PKD1L3: variants seen among roughly 807,000 people sequenced by gnomAD.
The protein encoded by PKD1L3 is polycystin-1-like protein 3.
In PKD1L3, 239 loss-of-function variants were observed where a neutral mutation model predicts 184.1. That is an observed-to-expected ratio of 1.30 (90% confidence interval 1.17 to 1.45). The LOEUF (loss-of-function observed/expected upper bound fraction) is 1.45. Among genes scored for constraint, PKD1L3 ranks in the 40% most tolerant of loss-of-function variants. The pLI is 0.00. For missense variants in PKD1L3, 2,660 were observed against 2,067.2 expected (o/e 1.29, Z -5.56); for synonymous variants, 996 against 778.8 (o/e 1.28, Z -4.64).
chr16:72,000,022 T>A lies in PKD1L3; in HGVS notation c.-44A>T. 2 of 1,396,904 alleles carry A rather than the reference T, an allele frequency of 1.4e-6. No homozygotes were observed. Among genetic ancestry groups the A allele is most frequent in the Non-Finnish European group, 1.9e-6 (2 of 1,048,048 alleles). The allele number at this position is 1,396,904 out of a possible 1,614,324, so 86.5% of individuals were successfully genotyped here. Reference sequence around the variant, plus strand: ...AGAAAAAGTGTGGGGGTTTAGCAGCTGCCTGGTCCTTTAAATATATATATT... The same window carrying A: ...AGAAAAAGTGTGGGGGTTTAGCAGCAGCCTGGTCCTTTAAATATATATATT... On this transcript the variant is annotated 5_prime_UTR_variant, in exon 1 of 30. Transcript: ENST00000620267.
chr16:71,963,431 T>A (rs2039363770), intron 15 of PKD1L3, 80 bp from the exon 16 acceptor site: 3 of 1,349,374 alleles, frequency 2.2e-6, no homozygotes, highest in Middle Eastern at 1.9e-4. Flanking sequence ...CTCAGACCAT[T>A]AGTAAACTGT....
At chr16:71,946,731 A>G (rs2038616212) in intron 22 of PKD1L3, among the ~76,000 whole-genome samples, 1 of 137,802 alleles carries the variant, frequency 7.3e-6, no homozygotes, top group African/African-American at 2.9e-5. Flanking sequence ...CAGGCAAACA[A>G]TTCAGTTTAA....
At chr16:71,930,309 G>T (rs537896615) in intron 28 of PKD1L3, 126 bp from the exon 29 acceptor site, 2 of 937,562 alleles carry the variant, frequency 2.1e-6, no homozygotes, top group Admixed American at 3.4e-5. Flanking sequence ...CTTAGGGAGA[G>T]AGTCAAAAGA....
At chr16:71,934,209 G>A in intron 26 of PKD1L3, 84 bp from the exon 27 acceptor site, 2 of 1,305,210 alleles carry the variant, frequency 1.5e-6, no homozygotes, top group Non-Finnish European at 2.1e-6. Flanking sequence ...TGCTGATCGT[G>A]GCAGCCCTGA....
At chr16:71,963,387 G>A in intron 15 of PKD1L3, 36 bp from the exon 16 acceptor site, 1 of 1,513,852 alleles carries the variant, frequency 6.6e-7, no homozygotes, top group South Asian at 1.3e-5. Flanking sequence ...TTAGGGAGAT[G>A]GGCTTGAATC....
chr16:71,987,945 G>A (rs2040438122), intron 4 of PKD1L3, among the ~76,000 whole-genome samples: 1 of 152,168 alleles, frequency 6.6e-6, no homozygotes. Flanking sequence ...AGGAGTGATG[G>A]TGGCAGGAGG....
chr16:71,979,880 T>C lies in PKD1L3; in HGVS notation c.1304A>G (p.Tyr435Cys), dbSNP rs2040081296. 5.2e-6 allele frequency: 8 copies of C among 1,547,218 alleles called. No individual in the cohort carries two copies. Among genetic ancestry groups the C allele is most frequent in the Admixed American group, 4.1e-5 (2 of 49,310 alleles). ...CACAGGGGCTGGGTGACCCAGAGTG[T>C]AAGAGCTCAGCGGTAAAGTTGATAT... is the stretch of plus-strand genomic sequence containing the variant. Reference protein sequence around the residue: ...QNISTLPLSSYTLGHPAPVRL... With the variant: ...QNISTLPLSSCTLGHPAPVRL... The change falls in exon 9 of 30, where the codon TAC becomes TGC. Residue 435 changes from tyrosine to cysteine, a missense_variant. Physicochemically the swap from Tyr to Cys is radical, Grantham distance 194. Transcript: ENST00000620267.
intron 13 of PKD1L3, 66 bp downstream of exon 13, chr16:71,969,809 T>C: frequency 7.1e-7 from 1 of 1,403,746 alleles, no homozygotes; most frequent in Non-Finnish European, 9.6e-7. Flanking sequence ...GAAGGTGTTT[T>C]TTCCTTCATC....
rs201400752 is a variant in PKD1L3 at position 71,963,655 on chromosome 16, A to C, written c.2466-304T>G. Among the ~76,000 whole-genome samples, 12 of 152,254 alleles carry C rather than the reference A, an allele frequency of 7.9e-5. No homozygotes were observed. The East Asian group carries it at 2.1e-3, about 27-fold the overall frequency. ...AAATTAGCTGGGCGTGGTGGTGTGC[A>C]CCTGTAGTCCTGAGCTACTTGAAAG... On this transcript the variant is annotated intron_variant, in intron 15 of 29. Transcript: ENST00000620267.
intron 16 of PKD1L3, among the ~76,000 whole-genome samples, chr16:71,958,778 C>A (rs1431892618): frequency 9.9e-5 from 6 of 60,792 alleles, no homozygotes; most frequent in Non-Finnish European, 1.4e-4. Context: ...AAGACTCTAT[C>A]TCAAAAAAAA....
intron 11 of PKD1L3, among the ~76,000 whole-genome samples, chr16:71,975,868 A>T (rs1322467398): frequency 6.6e-6 from 1 of 152,158 alleles, no homozygotes; most frequent in Non-Finnish European, 1.5e-5. Flanking sequence ...GATTGTATTA[A>T]TGTTATTTTC....
chr16:71,969,995 G>C lies in PKD1L3; in HGVS notation c.2064C>G (p.Ile688Met), dbSNP rs79670253. 1.2e-4 allele frequency: 182 copies of C among 1,551,756 alleles called. 1 individual carries two copies. In the East Asian group the frequency reaches 2.2e-3, roughly 19 times the overall value. Residue 688 changes from isoleucine to methionine, a missense_variant, in exon 13 of 30, where the codon ATC becomes ATG. Physicochemically the swap from Ile to Met is conservative, Grantham distance 10. Coordinates refer to ENST00000620267, the MANE Select transcript of PKD1L3 (RefSeq NM_181536.2). ...TGTTGGTCACGCGAAGGAACAGTTT[G>C]ATCGTGTCTTCAACATTCACGGTCC... ...VPRTVNVEDT[I>M]KLFLRVTNNP... is the part of the protein sequence containing the mutation.
chr16:71,993,550 C>T (rs933195247), intron 2 of PKD1L3, among the ~76,000 whole-genome samples: 1 of 152,198 alleles, frequency 6.6e-6, no homozygotes, highest in African/African-American at 2.4e-5. Context: ...GTTGGGTCAA[C>T]ACTGAGAAGT....
chr16:71,945,396 A>ATTTATTTATT (rs1439263992), intron 22 of PKD1L3, among the ~76,000 whole-genome samples: 14 of 41,746 alleles, frequency 3.4e-4, no homozygotes, highest in African/African-American at 7.6e-4. Context: ...ATATATATAT[A>ATTTATTTATT]TATTTATTTA....
chr16:71,932,988 CTA>C (rs996842698), intron 28 of PKD1L3, among the ~76,000 whole-genome samples: 20 of 151,862 alleles, frequency 1.3e-4, no homozygotes, highest in Non-Finnish European at 5.9e-5. Flanking sequence ...GACAAAGTCT[CTA>C]TGTTGCCCAG....
At chr16:71,939,242 A>G (rs1410697975) in intron 24 of PKD1L3, among the ~76,000 whole-genome samples, 1 of 152,218 alleles carries the variant, frequency 6.6e-6, no homozygotes, top group Non-Finnish European at 1.5e-5. Flanking sequence ...GCTGTGTGCA[A>G]TGGCTGGACC....
At chr16:71,956,122 C>A (rs536674511) in intron 16 of PKD1L3, among the ~76,000 whole-genome samples, 4 of 150,424 alleles carry the variant, frequency 2.7e-5, no homozygotes, top group Non-Finnish European at 5.9e-5. Context: ...CCTCCCAAAG[C>A]GCTGGGATTC....
rs767239099 is a variant in PKD1L3 at position 71,929,586 on chromosome 16, G to T, written c.5151C>A (p.Ala1717=). The part of the protein sequence containing the change: ...WPQKTSSEQA[A]TTAVGSDTEV... ...CAGTGTCACTGCCCACTGCTGTCGT[G>T]GCTGCTTGCTCAGATGAGGTTTTTT... The change falls in exon 30 of 30, where the codon GCC becomes GCA. Residue 1717 remains alanine (A), a synonymous_variant. Transcript: ENST00000620267. 25 of 1,551,658 alleles carry T rather than the reference G, an allele frequency of 1.6e-5. No individual in the cohort carries two copies. Among genetic ancestry groups the T allele is most frequent in the Non-Finnish European group, 1.5e-5 (17 of 1,147,016 alleles).
Position 71,930,150 on chromosome 16 carries a change from GAA to G in PKD1L3, c.4958_4959del (p.Phe1653SerfsTer15), listed in dbSNP as rs1174055780. On this transcript the variant is annotated frameshift_variant, in exon 29 of 30. Transcript: ENST00000620267. LOFTEE classifies it high-confidence loss of function. ...ATCAAGATGACACTGGTGAGGATCA[GAA>G]AGGTGCCCAGGACTGGGTCTAAAGC... ...VFALDPVLGT[F>X]LILTSVILMV... 1 of 1,551,336 alleles carries G rather than the reference GAA, an allele frequency of 6.4e-7. No individual in the cohort carries two copies. Among genetic ancestry groups the G allele is most frequent in the African/African-American group, 1.4e-5 (1 of 73,036 alleles).
Sources: gnomAD v4.1 joint callset for allele counts (sites outside exome capture counted in the v4.1 genomes callset) on GRCh38, gnomAD v4.1.1 for gene constraint, MANE v1.5 for transcripts, NCBI Gene and HGNC (gene_info 2026-07-23, HGNC 2026-07-21) for gene names.